Variants in TEX11 observed in about 807,000 individuals in gnomAD.
TEX11 encodes the protein testis expressed 11.
In TEX11, 7 loss-of-function variants were observed where a neutral mutation model predicts 84.4. That is an observed-to-expected ratio of 0.08 (90% CI 0.05 to 0.16). The LOEUF is 0.16. Ranked by LOEUF, TEX11 falls within the 10% of genes least tolerant of loss-of-function variation. The pLI is 1.00. For synonymous variants in TEX11, 264 were observed against 222.8 expected (o/e 1.18, Z -1.64); for missense variants, 551 against 660.5 (o/e 0.83, Z 1.82).
chrX:70,557,615 G>A (rs1321637898), intron 25 of TEX11, among the ~76,000 whole-genome samples: 1 of 111,749 alleles, frequency 8.9e-6, no homozygotes, highest in Admixed American at 9.5e-5. Flanking sequence ...GTAACAAAAT[G>A]GAAACATATC....
At chrX:70,551,526 A>G (rs2088214175) in intron 28 of TEX11, among the ~76,000 whole-genome samples, 1 of 111,257 alleles carries the variant, frequency 9.0e-6, no homozygotes, top group African/African-American at 3.3e-5. Flanking sequence ...GTACACCGCT[A>G]TGTACCCACA....
intron 17 of TEX11, among the ~76,000 whole-genome samples, chrX:70,642,242 A>G (rs2089670202): frequency 8.9e-6 from 1 of 112,014 alleles, no homozygotes; most frequent in South Asian, 3.8e-4. Context: ...CTCTGAATAG[A>G]TCAATAACAG....
chrX:70,861,989 TA>T (rs770263661), intron 4 of TEX11, among the ~76,000 whole-genome samples: 51 of 110,312 alleles, frequency 4.6e-4, no homozygotes, highest in African/African-American at 1.6e-3. Flanking sequence ...TAAATATATA[TA>T]TATTTTTTTC....
chrX:70,784,389 A>C (rs771129456), intron 9 of TEX11, among the ~76,000 whole-genome samples: 1,488 of 111,641 alleles, frequency 0.013, 15 homozygotes, highest in South Asian at 0.028. Context: ...AATGGGCAAC[A>C]ACTGAAAGCA....
intron 9 of TEX11, among the ~76,000 whole-genome samples, chrX:70,744,865 CA>C (rs926317806): frequency 2.2e-4 from 24 of 108,102 alleles, no homozygotes; most frequent in African/African-American, 8.1e-4. Flanking sequence ...AACTCATCAC[CA>C]TGCGTGGCTA....
chrX:70,822,611 T>C (rs1409193983), intron 8 of TEX11, among the ~76,000 whole-genome samples: 1 of 111,246 alleles, frequency 9.0e-6, no homozygotes, highest in African/African-American at 3.3e-5. Context: ...AAGGAATACC[T>C]GAGGAAGAGT....
At chrX:70,881,155 C>A (rs2091681248) in intron 2 of TEX11, among the ~76,000 whole-genome samples, 1 of 109,400 alleles carries the variant, frequency 9.1e-6, no homozygotes, top group Non-Finnish European at 1.9e-5. Context: ...TGGCAAAACC[C>A]CATCCCTATT....
At chrX:70,729,958 C>A (rs1187051769) in intron 11 of TEX11, among the ~76,000 whole-genome samples, 2 of 112,486 alleles carry the variant, frequency 1.8e-5, no homozygotes, top group African/African-American at 6.4e-5. Context: ...AACAGCTGAT[C>A]TCTCGGCAGA....
chrX:70,621,773 T>C (rs2147548807), intron 20 of TEX11, among the ~76,000 whole-genome samples: 1 of 105,520 alleles, frequency 9.5e-6, no homozygotes, highest in East Asian at 3.0e-4. Context: ...AGCAGATTTT[T>C]CAGGGATAAA....
chrX:70,855,535 C>G (rs2091531387), intron 5 of TEX11, among the ~76,000 whole-genome samples: 1 of 107,491 alleles, frequency 9.3e-6, no homozygotes, highest in Non-Finnish European at 1.9e-5. Flanking sequence ...CACTGCACTC[C>G]AGCTTGGGCG....
At chrX:70,752,050 C>A (rs771992807) in intron 9 of TEX11, among the ~76,000 whole-genome samples, 1 of 111,612 alleles carries the variant, frequency 9.0e-6, no homozygotes. Context: ...GGAAATTACA[C>A]CAGATGGTAG....
intron 11 of TEX11, among the ~76,000 whole-genome samples, chrX:70,726,800 G>A (rs2090603151): frequency 1.8e-5 from 2 of 108,333 alleles, no homozygotes; most frequent in African/African-American, 6.7e-5. Flanking sequence ...CAAAGTGCAG[G>A]GATTACAGGC....
chrX:70,775,799 C>CAAAAA (rs55995616), intron 9 of TEX11, among the ~76,000 whole-genome samples: 3 of 44,080 alleles, frequency 6.8e-5, no homozygotes, highest in African/African-American at 9.3e-5. Flanking sequence ...GACTCCGTCT[C>CAAAAA]AAAAAAAAAA....
chrX:70,541,959 CT>C lies in TEX11; in HGVS notation c.2520+10166del, dbSNP rs768116581. On this transcript the variant is annotated intron_variant, in intron 28 of 29. Transcript: ENST00000374333. ...CTTAAGCCTGGGAGTCATCTCCCTG[CT>C]TTTTCATTACCACTAGCTTCTAAAT... Among the ~76,000 whole-genome samples, 5 of 111,787 alleles carry C rather than the reference CT, an allele frequency of 4.5e-5. No individual in the cohort carries two copies. The East Asian group carries it at 1.4e-3, about 31-fold the overall frequency.
intron 15 of TEX11, among the ~76,000 whole-genome samples, chrX:70,671,910 T>TATATATATATATATATATATATATAG (rs57166359): frequency 2.9e-5 from 2 of 67,983 alleles, no homozygotes; most frequent in Non-Finnish European, 5.7e-5. Context: ...TATATATATA[T>TATATATATATATATATATATATATAG]ACACACACAC....
the TEX11 span, among the ~76,000 whole-genome samples, chrX:70,519,864 T>C: frequency 8.9e-6 from 1 of 111,876 alleles, no homozygotes. Flanking sequence ...TTTCATTAAT[T>C]TGATCTTCAA....
chrX:70,731,897 A>C, intron 11 of TEX11, among the ~76,000 whole-genome samples: 1 of 111,897 alleles, frequency 8.9e-6, no homozygotes, highest in African/African-American at 3.2e-5. Flanking sequence ...TGATGCAAAA[A>C]ACCTCAATAA....
At chrX:70,645,113 A>C (rs1398737388) in intron 17 of TEX11, among the ~76,000 whole-genome samples, 8 of 110,252 alleles carry the variant, frequency 7.3e-5, no homozygotes, top group African/African-American at 2.6e-4. Context: ...AGAAAATGTG[A>C]ACAAATAATG....
intron 24 of TEX11, among the ~76,000 whole-genome samples, chrX:70,603,510 C>G (rs1158156561): frequency 9.4e-6 from 1 of 106,295 alleles, no homozygotes; most frequent in Non-Finnish European, 2.0e-5. Flanking sequence ...ATGTAGAAAG[C>G]TGAAACTGGA....
Sources: gnomAD v4.1 joint callset for allele counts (sites outside exome capture counted in the v4.1 genomes callset) on GRCh38, gnomAD v4.1.1 for gene constraint, MANE v1.5 for transcripts, NCBI Gene and HGNC (gene_info 2026-07-23, HGNC 2026-07-21) for gene names.